MAML2: variants seen among roughly 807,000 people sequenced by gnomAD.
MAML2 encodes mastermind like transcriptional coactivator 2.
In MAML2, 22 loss-of-function variants were observed where a neutral mutation model predicts 96.1. The observed-to-expected ratio is 0.23, with a 90% CI of 0.16 to 0.33. MAML2 has a LOEUF of 0.33. MAML2 is among the 10% of genes least tolerant of loss of function. The pLI, the probability that MAML2 is intolerant of heterozygous loss-of-function variation, is 1.00. For missense variants in MAML2, 1,367 were observed against 1,392.4 expected, an observed-to-expected ratio of 0.98 and a Z score of 0.29; for synonymous variants, 561 against 521.3, an observed-to-expected ratio of 1.08 and a Z score of -1.04.
At chr11:96,253,089 C>T (rs978061682) in intron 1 of MAML2, among the ~76,000 whole-genome samples, 1 of 152,118 alleles carries the variant, frequency 6.6e-6, no homozygotes, top group Non-Finnish European at 1.5e-5. Flanking sequence ...ATACCCAAGG[C>T]TCTGCATATA....
intron 1 of MAML2, among the ~76,000 whole-genome samples, chr11:96,130,157 T>C (rs1860522110): frequency 6.6e-6 from 1 of 152,262 alleles, no homozygotes; most frequent in Admixed American, 6.5e-5. Context: ...TCCTGGCATT[T>C]GCTGTGTGTG....
chr11:95,992,884 C>CTT (rs201496515), intron 2 of MAML2, among the ~76,000 whole-genome samples: 3 of 144,958 alleles, frequency 2.1e-5, no homozygotes, highest in African/African-American at 5.0e-5. Flanking sequence ...CCAACTCTCT[C>CTT]TTTTTTTTTT....
At chr11:96,122,057 G>T (rs1413744153) in intron 1 of MAML2, among the ~76,000 whole-genome samples, 1 of 139,808 alleles carries the variant, frequency 7.2e-6, no homozygotes, top group Non-Finnish European at 1.5e-5. Context: ...TGATCCGCCT[G>T]CCTCGGCCTC....
intron 4 of MAML2, among the ~76,000 whole-genome samples, chr11:95,983,118 T>C (rs1857767228): frequency 6.6e-6 from 1 of 152,142 alleles, no homozygotes; most frequent in Admixed American, 6.6e-5. Context: ...GGCATTGTTA[T>C]CATAGGAGGT....
chr11:96,159,587 A>G (rs1358981239), intron 1 of MAML2, among the ~76,000 whole-genome samples: 1 of 151,492 alleles, frequency 6.6e-6, no homozygotes, highest in Non-Finnish European at 1.5e-5. Flanking sequence ...CACCATGCCC[A>G]GCTAATTTTT....
intron 2 of MAML2, among the ~76,000 whole-genome samples, chr11:96,042,491 C>T (rs1387042065): frequency 1.3e-5 from 2 of 152,060 alleles, no homozygotes; most frequent in Admixed American, 1.3e-4. Context: ...CAGAGCCACC[C>T]TTCTCAAACC....
chr11:96,059,881 G>C (rs953811519), intron 2 of MAML2, among the ~76,000 whole-genome samples: 3 of 152,190 alleles, frequency 2.0e-5, no homozygotes, highest in African/African-American at 4.8e-5. Context: ...CCTTGCCCTT[G>C]AGCATCTGAC....
chr11:96,116,364 C>G (rs1860241717), intron 1 of MAML2, among the ~76,000 whole-genome samples: 1 of 152,176 alleles, frequency 6.6e-6, no homozygotes, highest in Non-Finnish European at 1.5e-5. Flanking sequence ...AGACAACACT[C>G]AGATATTCCA....
intron 1 of MAML2, among the ~76,000 whole-genome samples, chr11:96,171,017 C>T (rs1387328420): frequency 6.6e-6 from 1 of 151,760 alleles, no homozygotes; most frequent in East Asian, 1.9e-4. Context: ...TGCCTGGCCT[C>T]TACTTTTTTT....
At chr11:96,297,511 G>A (rs1183466981) in intron 1 of MAML2, among the ~76,000 whole-genome samples, 2 of 152,046 alleles carry the variant, frequency 1.3e-5, no homozygotes, top group Non-Finnish European at 2.9e-5. Context: ...GGAGGTGGAG[G>A]TTATAGTGAG....
In MAML2 at chr11:96,251,943, AG is replaced by A. The variant is rs1462407886; in HGVS notation, c.513+89439del. Among the ~76,000 whole-genome samples the A allele has an allele frequency of 4.3e-4, 65 of 152,028 alleles. 1 individual carries two copies. The highest frequency in any genetic ancestry group is 7.4e-5 in the Non-Finnish European group (5 of 67,976). On this transcript the variant is annotated intron_variant, in intron 1 of 4. Coordinates refer to ENST00000524717, the MANE Select transcript of MAML2 (RefSeq NM_032427.4). ...GAGACGGGGTTTCACCATGTTAGCC[AG>A]GATGGTCTTGATCTCCTGACCTCAT...
chr11:96,156,949 A>G (rs1235779102), intron 1 of MAML2, among the ~76,000 whole-genome samples: 3 of 152,220 alleles, frequency 2.0e-5, no homozygotes, highest in Non-Finnish European at 4.4e-5. Flanking sequence ...TGGTGGACTC[A>G]GTAACTGCAG....
chr11:96,023,335 T>C (rs1438183922), intron 2 of MAML2, among the ~76,000 whole-genome samples: 3 of 152,226 alleles, frequency 2.0e-5, no homozygotes, highest in African/African-American at 4.8e-5. Context: ...TGCTGGGTAG[T>C]CTTGAGGCCT....
chr11:95,988,982 T>C (rs1270424547), intron 3 of MAML2, among the ~76,000 whole-genome samples: 1 of 152,234 alleles, frequency 6.6e-6, no homozygotes, highest in South Asian at 2.1e-4. Flanking sequence ...TGGATAATTA[T>C]AGGACCTCCC....
At chr11:96,104,092 T>C (rs1202779089) in intron 1 of MAML2, among the ~76,000 whole-genome samples, 1 of 152,202 alleles carries the variant, frequency 6.6e-6, no homozygotes, top group African/African-American at 2.4e-5. Context: ...TTCATGTTTG[T>C]TTTCCATCTC....
intron 2 of MAML2, among the ~76,000 whole-genome samples, chr11:96,016,297 G>A (rs1858351414): frequency 1.3e-5 from 2 of 151,886 alleles, no homozygotes; most frequent in South Asian, 4.2e-4. Flanking sequence ...ACATTAGGAG[G>A]GAGCAGAGAG....
chr11:96,068,621 G>A (rs901703795), intron 2 of MAML2, among the ~76,000 whole-genome samples: 5 of 152,090 alleles, frequency 3.3e-5, no homozygotes, highest in African/African-American at 9.7e-5. Context: ...GAGGTCAGGA[G>A]ATCGAGACCA....
chr11:96,216,918 G>A (rs16923340), intron 1 of MAML2, among the ~76,000 whole-genome samples: 3,223 of 152,252 alleles, frequency 0.021, 127 homozygotes, highest in African/African-American at 0.074. Flanking sequence ...AAGGGCAGGG[G>A]TAATTCCACC....
intron 1 of MAML2, among the ~76,000 whole-genome samples, chr11:96,322,639 C>G (rs1863721983): frequency 6.6e-6 from 1 of 152,148 alleles, no homozygotes; most frequent in East Asian, 1.9e-4. Context: ...TTGCAGTGAG[C>G]CGAGATCGCG....
Sources: gnomAD v4.1 joint callset for allele counts (sites outside exome capture counted in the v4.1 genomes callset) on GRCh38, gnomAD v4.1.1 for gene constraint, MANE v1.5 for transcripts, NCBI Gene and HGNC (gene_info 2026-07-23, HGNC 2026-07-21) for gene names.